The following COL3A1 variants were observed in gnomAD, a reference collection of about 807,000 sequenced individuals.
The protein encoded by COL3A1 is collagen type III alpha 1 chain.
A neutral mutation model predicts 200.9 loss-of-function variants in COL3A1; 46 were observed. The ratio of observed to expected loss-of-function variants is 0.23; its 90% CI spans 0.18 to 0.29. The LOEUF is 0.29. Among genes scored for constraint, COL3A1 ranks in the 10% least tolerant of loss-of-function variants. The probability of loss-of-function intolerance (pLI) is 1.00; values close to 1 mark genes in which losing one functional copy is unlikely to be tolerated. For missense variants in COL3A1, 1,367 were observed against 1,917.6 expected (o/e 0.71, Z 5.36); for synonymous variants, 650 against 628.0 (o/e 1.03, Z -0.52).
chr2:188,986,968 C>G, intron 4 of COL3A1, 91 bp from the exon 5 acceptor site: 1 of 1,064,268 alleles, frequency 9.4e-7, no homozygotes, highest in South Asian at 1.3e-5. Context: ...TATCAGTAGA[C>G]AGTAGATGTT....
In COL3A1 at chr2:189,003,997, C is replaced by T; in HGVS notation, c.2677C>T (p.Pro893Ser). Residue 893 changes from proline to serine, a missense_variant, in exon 39 of 51, where the codon CCA becomes TCA. This residue lies in a region of COL3A1 where 846 missense variants were observed against 1,147.9 expected (regional missense o/e 0.74). Coordinates refer to ENST00000304636, the MANE Select transcript of COL3A1 (RefSeq NM_000090.4). ...TTATTTGTAGGGTAACCCAGGACCCCCAGGTCCCAGCGGTTCTCCAGGCAA... is the reference window on the plus strand; with the variant it reads ...TTATTTGTAGGGTAACCCAGGACCCTCAGGTCCCAGCGGTTCTCCAGGCAA... ...PPGSNGNPGP[P>S]GPSGSPGKDG... 1.2e-6 allele frequency: 2 copies of T among 1,611,938 alleles called. No homozygotes were observed. Among genetic ancestry groups the T allele is most frequent in the South Asian group, 1.1e-5 (1 of 90,854 alleles).
chr2:188,993,280 G>A (rs1016043880), intron 15 of COL3A1, 81 bp from the exon 16 acceptor site: 11 of 1,212,110 alleles, frequency 9.1e-6, no homozygotes, highest in Admixed American at 7.9e-5. Context: ...TGGGAGATGT[G>A]TTTAAACAGG....
At position 188,996,286 on chromosome 2, in the gene COL3A1, ATATGTATATC is replaced by A. The variant is rs148121621; in HGVS notation, c.1663-108_1663-99del. On this transcript the variant is annotated intron_variant, in intron 23 of 50. Transcript: ENST00000304636. ...TGTGTGTGTGTATATATATATATGT[ATATGTATATC>A]TATATATATACACACACACACACAC... is the stretch of plus-strand genomic sequence containing the variant. 18,955 of 810,508 alleles carry A rather than the reference ATATGTATATC, an allele frequency of 0.023. 648 individuals carry two copies. Among genetic ancestry groups the A allele is most frequent in the African/African-American group, 0.18 (7,832 of 42,686 alleles). The allele number at this position is 810,508 out of a possible 1,614,324, so 50.2% of individuals were successfully genotyped here.
At chr2:188,998,132 G>A in intron 27 of COL3A1, 134 bp from the exon 28 acceptor site, 1 of 768,402 alleles carries the variant, frequency 1.3e-6, no homozygotes, top group South Asian at 1.6e-5. Flanking sequence ...GATTTTGAGT[G>A]GCACAACGTT....
rs766299663 is a variant in COL3A1 at position 188,974,500 on chromosome 2, T to G, written c.11T>G (p.Phe4Cys). MMSFVQKGSWLLLA... is the reference protein window; with the variant it reads MMSCVQKGSWLLLA... ...GTCTGATATTTAGACATGATGAGCTTTGTGCAAAAGGGGAGCTGGCTACTT... is the reference window on the plus strand; with the variant it reads ...GTCTGATATTTAGACATGATGAGCTGTGTGCAAAAGGGGAGCTGGCTACTT... Residue 4 changes from phenylalanine to cysteine, a missense_variant, in exon 1 of 51, where the codon TTT becomes TGT. Physicochemically the swap from Phe to Cys is radical, Grantham distance 205. This residue lies in a region of COL3A1 where 55 missense variants were observed against 51.5 expected (regional missense o/e 1.07). Transcript: ENST00000304636. The G allele has an allele frequency of 6.2e-7, 1 of 1,613,986 alleles. No individual in the cohort carries two copies. The highest frequency in any genetic ancestry group is 1.1e-5 in the South Asian group (1 of 91,076).
intron 34 of COL3A1, 43 bp downstream of exon 34, chr2:189,001,632 C>T: frequency 1.2e-6 from 2 of 1,604,108 alleles, no homozygotes; most frequent in Non-Finnish European, 1.7e-6. Flanking sequence ...TAACCCCATA[C>T]AGACAGTAGC....
At chr2:188,987,018 G>A (rs1431489932) in intron 4 of COL3A1, 41 bp from the exon 5 acceptor site, 1 of 1,528,198 alleles carries the variant, frequency 6.5e-7, no homozygotes, top group East Asian at 2.3e-5. Context: ...ATTATGAACT[G>A]TCTGTTAAAA....
At chr2:188,988,193 A>T in intron 6 of COL3A1, 59 bp downstream of exon 6, 1 of 1,409,314 alleles carries the variant, frequency 7.1e-7, no homozygotes, top group Non-Finnish European at 1.0e-6. Flanking sequence ...AAATTAATAT[A>T]TATTCTGCTA....
At chr2:188,986,238 C>T (rs1335595329) in intron 4 of COL3A1, among the ~76,000 whole-genome samples, 7 of 152,022 alleles carry the variant, frequency 4.6e-5, no homozygotes. Context: ...ACTGCTCTTG[C>T]TAATACTTCA....
rs1173687812 is a variant in COL3A1, at chr2:188,984,846, G to A, written c.166G>A (p.Asp56Asn). The change falls in exon 2 of 51, where the codon GAC (aspartate) becomes AAC (asparagine). Residue 56 changes from aspartate to asparagine, a missense_variant. Physicochemically the swap from Asp to Asn is conservative, Grantham distance 23. Around this residue, in one of 5 missense-constraint regions of COL3A1, gnomAD observed 3 missense variants for 17.3 expected, o/e 0.17. Coordinates refer to ENST00000304636, the MANE Select transcript of COL3A1 (RefSeq NM_000090.4). ...KPEPCQICVC[D>N]SGSVLCDDII... ...AGAACCATGCCAAATATGTGTCTGT[G>A]ACTCAGGATCCGTTCTCTGCGATGA... 6 of 1,613,268 alleles carry A rather than the reference G, an allele frequency of 3.7e-6. No homozygotes were observed. Among genetic ancestry groups the A allele is most frequent in the Admixed American group, 3.3e-5 (2 of 59,912 alleles).
chr2:188,988,709 T>A, intron 7 of COL3A1, 66 bp downstream of exon 7: 1 of 1,095,418 alleles, frequency 9.1e-7, no homozygotes, highest in Non-Finnish European at 1.4e-6. Flanking sequence ...CTTTGTTTTC[T>A]AAAACAAGTA....
At position 189,003,052 on chromosome 2, in the gene COL3A1, C is replaced by T; in HGVS notation, c.2543C>T (p.Ser848Phe). Reference protein sequence around the residue: ...PPGVAGPPGGSGPAGPPGPQG... With the variant: ...PPGVAGPPGGFGPAGPPGPQG... ...GGAGTTGCAGGACCCCCTGGAGGTT[C>T]TGGACCTGCTGTAAGTTCCTTCCTC... Residue 848 changes from serine to phenylalanine, a missense_variant, in exon 36 of 51, where the codon TCT becomes TTT. Transcript: ENST00000304636. The T allele has an allele frequency of 6.4e-7, 1 of 1,550,638 alleles. No individual in the cohort carries two copies. Among genetic ancestry groups the T allele is most frequent in the Non-Finnish European group, 8.7e-7 (1 of 1,146,188 alleles).
intron 14 of COL3A1, 120 bp downstream of exon 14, chr2:188,992,348 T>G: frequency 3.6e-6 from 3 of 838,770 alleles, no homozygotes; most frequent in Non-Finnish European, 5.7e-6. Flanking sequence ...TGTATATCTC[T>G]AATATACACA....
chr2:189,009,193 G>T lies in COL3A1; in HGVS notation c.3795G>T (p.Leu1265=), dbSNP rs1387409305. 3 of 1,614,050 alleles carry T rather than the reference G, an allele frequency of 1.9e-6. No individual in the cohort carries two copies. The African/African-American group carries it at 4.0e-5, about 22-fold the overall frequency. The part of the protein sequence containing the change: ...RKNPARNCRD[L]KFCHPELKSG... ...ACCCCGCTAGAAACTGCAGAGACCT[G>T]AAATTCTGCCATCCTGAACTCAAGA... Residue 1265 remains leucine, a synonymous_variant, in exon 48 of 51, where the codon CTG becomes CTT. Transcript: ENST00000304636.
At position 189,010,498 on chromosome 2, in the gene COL3A1, C is replaced by T. The variant is rs2153504288; in HGVS notation, c.4011+133C>T. 2.0e-6 allele frequency: 3 copies of T among 1,468,178 alleles called. No individual in the cohort carries two copies. The South Asian group carries it at 3.5e-5, about 17-fold the overall frequency. 90.9% of individuals were successfully genotyped at this position (1,468,178 alleles called of 1,614,324 possible). On this transcript the variant is annotated intron_variant, in intron 49 of 50. Transcript: ENST00000304636. ...CAGTTTTTGCTACTGAAAGTGATGG[C>T]ATGCAATAAAAATATTTTCACACAT...
chr2:188,994,477 T>C lies in COL3A1; in HGVS notation c.1294-64T>C. 1 of 1,585,454 alleles carries C rather than the reference T, an allele frequency of 6.3e-7. No homozygotes were observed. The highest frequency in any genetic ancestry group is 8.7e-7 in the Non-Finnish European group (1 of 1,154,140). ...TATAACTTATAACTGAATTATGTGT[T>C]ACTGGTGATGATTTGTTAGTCGAAT... On this transcript the variant is annotated intron_variant, in intron 18 of 50. Coordinates refer to ENST00000304636, the MANE Select transcript of COL3A1 (RefSeq NM_000090.4). This position sits in a 1 kb window ranked among gnomAD's most constrained non-coding sequence, Gnocchi z 4.5.
At chr2:188,981,554 T>C (rs1056195791) in intron 1 of COL3A1, among the ~76,000 whole-genome samples, 1 of 151,524 alleles carries the variant, frequency 6.6e-6, no homozygotes, top group Admixed American at 6.6e-5. Context: ...TTAATATTTT[T>C]GGAAAAAATT....
intron 16 of COL3A1, 50 bp from the exon 17 acceptor site, chr2:188,993,988 C>A: frequency 1.3e-6 from 2 of 1,544,276 alleles, no homozygotes; most frequent in Non-Finnish European, 1.8e-6. Context: ...CAAATATATA[C>A]GAACTATTTG....
rs1199014910 is a variant in COL3A1, at chr2:188,984,824, A to G, written c.144A>G (p.Glu48=). 1 of 1,613,242 alleles carries G rather than the reference A, an allele frequency of 6.2e-7. No homozygotes were observed. The highest frequency in any genetic ancestry group is 8.5e-7 in the Non-Finnish European group (1 of 1,179,418). ...CGGATAGAGATGTCTGGAAGCCAGA[A>G]CCATGCCAAATATGTGTCTGTGACT... The part of the protein sequence containing the change: ...SYADRDVWKP[E]PCQICVCDSG... Residue 48 remains glutamate (E), a synonymous_variant, in exon 2 of 51, where the codon GAA becomes GAG. Coordinates refer to ENST00000304636, the MANE Select transcript of COL3A1 (RefSeq NM_000090.4).
Sources: allele counts gnomAD v4.1 joint callset (sites outside exome capture counted in the v4.1 genomes callset), GRCh38; gene constraint gnomAD v4.1.1; regional missense constraint gnomAD v4.1.1; non-coding constraint Gnocchi (gnomAD v3.1); transcripts MANE v1.5; gene names NCBI Gene and HGNC (gene_info 2026-07-23, HGNC 2026-07-21).